CARMIL1: variants seen among roughly 807,000 people sequenced by gnomAD.
CARMIL1 encodes the protein F-actin-uncapping protein LRRC16A.
In CARMIL1, 90 loss-of-function variants were observed where a neutral mutation model predicts 177.1. That is an observed-to-expected ratio of 0.51 (90% CI 0.43 to 0.61). The LOEUF is 0.61. CARMIL1 is among the 20% of genes least tolerant of loss of function. The probability of loss-of-function intolerance (pLI) is 0.00; values close to 1 mark genes in which losing one functional copy is unlikely to be tolerated. For synonymous variants in CARMIL1, 577 were observed against 606.2 expected, an observed-to-expected ratio of 0.95 and a Z score of 0.71; for missense variants, 1,380 against 1,667.0, an observed-to-expected ratio of 0.83 and a Z score of 3.00.
chr6:25,397,346 A>T (rs1793507291), intron 2 of CARMIL1, among the ~76,000 whole-genome samples: 1 of 152,130 alleles, frequency 6.6e-6, no homozygotes, highest in African/African-American at 2.4e-5. Context: ...TGTGGTCCAA[A>T]TCCCCTTTCA....
intron 1 of CARMIL1, among the ~76,000 whole-genome samples, chr6:25,283,255 C>T (rs1374684415): frequency 3.3e-5 from 5 of 152,110 alleles, no homozygotes; most frequent in African/African-American, 9.7e-5. Context: ...GACTGCAACT[C>T]GTAGACTGGG....
intron 2 of CARMIL1, among the ~76,000 whole-genome samples, chr6:25,399,064 G>A (rs967234844): frequency 1.3e-5 from 2 of 152,012 alleles, no homozygotes; most frequent in African/African-American, 2.4e-5. Context: ...TTTCTTCCCC[G>A]CTCACAGATG....
chr6:25,379,766 TTTTA>T (rs1406795367), intron 2 of CARMIL1, among the ~76,000 whole-genome samples: 1 of 152,160 alleles, frequency 6.6e-6, no homozygotes. Flanking sequence ...GTGAATAGCC[TTTTA>T]GCCTGGTTAA....
At chr6:25,522,199 C>A (rs921646630) in intron 23 of CARMIL1, among the ~76,000 whole-genome samples, 5 of 152,216 alleles carry the variant, frequency 3.3e-5, no homozygotes, top group Admixed American at 3.3e-4. Flanking sequence ...TTTGCCTCCT[C>A]TTGTCAGTTT....
At chr6:25,384,390 C>G (rs1434977457) in intron 2 of CARMIL1, among the ~76,000 whole-genome samples, 1 of 152,244 alleles carries the variant, frequency 6.6e-6, no homozygotes, top group Non-Finnish European at 1.5e-5. Flanking sequence ...AATTAAGACA[C>G]AAACCAAAAA....
At chr6:25,545,817 G>A (rs1809397634) in intron 26 of CARMIL1, among the ~76,000 whole-genome samples, 2 of 152,148 alleles carry the variant, frequency 1.3e-5, no homozygotes, top group Admixed American at 1.3e-4. Context: ...CAAAGAGGAG[G>A]ACATAATTTA....
At chr6:25,413,864 G>C (rs1284858681) in intron 2 of CARMIL1, among the ~76,000 whole-genome samples, 1 of 152,056 alleles carries the variant, frequency 6.6e-6, no homozygotes, top group Admixed American at 6.6e-5. Context: ...CCAAAGATGT[G>C]CATTGAACAG....
chr6:25,483,302 G>A (rs928180118), intron 12 of CARMIL1, among the ~76,000 whole-genome samples: 3 of 152,184 alleles, frequency 2.0e-5, no homozygotes, highest in Non-Finnish European at 2.9e-5. Context: ...GGTTGAAAGT[G>A]TCAGTTCTGT....
chr6:25,550,365 AC>A (rs1809960840), intron 26 of CARMIL1, among the ~76,000 whole-genome samples: 1 of 152,196 alleles, frequency 6.6e-6, no homozygotes. Flanking sequence ...TTAATATCTT[AC>A]CTAAAGCTTT....
intron 1 of CARMIL1, among the ~76,000 whole-genome samples, chr6:25,281,857 G>C (rs1781142292): frequency 6.6e-6 from 1 of 152,118 alleles, no homozygotes; most frequent in African/African-American, 2.4e-5. Context: ...GCTCACCCCT[G>C]TAATCCTAGC....
chr6:25,595,058 CAG>C (rs1289321132), intron 32 of CARMIL1, among the ~76,000 whole-genome samples: 1 of 152,212 alleles, frequency 6.6e-6, no homozygotes, highest in East Asian at 1.9e-4. Flanking sequence ...AGAGAGCCCT[CAG>C]AGTCAGCATT....
At chr6:25,384,027 A>T (rs1435710285) in intron 2 of CARMIL1, among the ~76,000 whole-genome samples, 2 of 152,100 alleles carry the variant, frequency 1.3e-5, no homozygotes, top group African/African-American at 4.8e-5. Context: ...TTTAGTAGAC[A>T]TGGGGTTTCA....
chr6:25,338,641 C>G (rs905114550), intron 2 of CARMIL1, among the ~76,000 whole-genome samples: 1 of 150,990 alleles, frequency 6.6e-6, no homozygotes, highest in Non-Finnish European at 1.5e-5. Flanking sequence ...TACTTATGAA[C>G]AAATGTAGTT....
At chr6:25,290,861 G>A (rs1033046848) in intron 2 of CARMIL1, among the ~76,000 whole-genome samples, 2 of 152,080 alleles carry the variant, frequency 1.3e-5, no homozygotes, top group African/African-American at 4.8e-5. Context: ...TCACAATCAC[G>A]AGCCTTGCTC....
intron 29 of CARMIL1, chr6:25,563,245 C>T (rs1009469390): frequency 1.2e-5 from 12 of 985,282 alleles, no homozygotes; most frequent in South Asian, 4.7e-5. Context: ...TTTGCATCAA[C>T]GACGTTTCGT....
chr6:25,495,809 C>A (rs1803647274), intron 16 of CARMIL1, among the ~76,000 whole-genome samples: 1 of 152,050 alleles, frequency 6.6e-6, no homozygotes, highest in African/African-American at 2.4e-5. Context: ...AATTTATTAT[C>A]CTTGAGATTT....
At chr6:25,322,595 T>G (rs938088612) in intron 2 of CARMIL1, among the ~76,000 whole-genome samples, 4 of 152,194 alleles carry the variant, frequency 2.6e-5, no homozygotes, top group Admixed American at 2.6e-4. Context: ...GCTTGTAACC[T>G]TCCCTTTACT....
At chr6:25,471,330 AG>A in intron 10 of CARMIL1, 73 bp downstream of exon 10, 5 of 1,007,984 alleles carry the variant, frequency 5.0e-6, no homozygotes, top group Non-Finnish European at 7.1e-6. Flanking sequence ...ATTAATTCAT[AG>A]TTTTTTTTTT....
At chr6:25,593,898 A>G (rs763385565) in intron 31 of CARMIL1, among the ~76,000 whole-genome samples, 2 of 152,200 alleles carry the variant, frequency 1.3e-5, no homozygotes, top group Non-Finnish European at 2.9e-5. Flanking sequence ...GCTTAAGCAA[A>G]TCAGTATCCA....
Sources: allele counts gnomAD v4.1 joint callset (sites outside exome capture counted in the v4.1 genomes callset), GRCh38; gene constraint gnomAD v4.1.1; transcripts MANE v1.5; gene names NCBI Gene and HGNC (gene_info 2026-07-23, HGNC 2026-07-21).